Variants in DNM3 observed in about 807,000 individuals in gnomAD.
DNM3 encodes dynamin 3, also known as dynamin-3.
A neutral mutation model predicts 101.6 loss-of-function variants in DNM3; 47 were observed. That is an observed-to-expected ratio of 0.46 (90% CI 0.37 to 0.59). The LOEUF (loss-of-function observed/expected upper bound fraction) is 0.59. DNM3 is among the 20% of genes least tolerant of loss of function. The pLI, the probability that DNM3 is intolerant of heterozygous loss-of-function variation, is 0.00. For synonymous variants in DNM3, 385 were observed against 387.9 expected (o/e 0.99, Z 0.09); for missense variants, 849 against 1,085.7 (o/e 0.78, Z 3.06).
chr1:172,066,856 T>C (rs1272638400), intron 10 of DNM3, among the ~76,000 whole-genome samples: 1 of 152,186 alleles, frequency 6.6e-6, no homozygotes, highest in Non-Finnish European at 1.5e-5. Flanking sequence ...ATCTTATTGT[T>C]GCTTTTCCAA....
chr1:172,131,630 G>A (rs1040992112), intron 14 of DNM3, among the ~76,000 whole-genome samples: 16 of 152,080 alleles, frequency 1.1e-4, no homozygotes, highest in Non-Finnish European at 2.1e-4. Flanking sequence ...AGTGTTGAAG[G>A]ACCCAAGGTA....
chr1:172,374,669 T>C (rs1159750834), intron 17 of DNM3, among the ~76,000 whole-genome samples: 1 of 152,110 alleles, frequency 6.6e-6, no homozygotes, highest in Admixed American at 6.6e-5. Context: ...ACCTATGCTA[T>C]TATTTTGCTA....
At chr1:172,087,729 TTGAGTTACTA>T (rs1487612743) in intron 12 of DNM3, among the ~76,000 whole-genome samples, 1 of 152,214 alleles carries the variant, frequency 6.6e-6, no homozygotes, top group Non-Finnish European at 1.5e-5. Flanking sequence ...CTTCTCTTAC[TTGAGTTACTA>T]CAACAGTCTC....
At chr1:172,261,644 G>A (rs905027423) in intron 15 of DNM3, among the ~76,000 whole-genome samples, 1 of 152,220 alleles carries the variant, frequency 6.6e-6, no homozygotes, top group African/African-American at 2.4e-5. Flanking sequence ...CAGTGGATGT[G>A]GCATGGGCAA....
intron 1 of DNM3, among the ~76,000 whole-genome samples, chr1:171,843,197 G>T (rs755443078): frequency 2.6e-5 from 4 of 152,106 alleles, no homozygotes; most frequent in Non-Finnish European, 4.4e-5. Flanking sequence ...GAACTAGAAA[G>T]ATAAGAAGCC....
chr1:171,876,739 A>G (rs1305333468), intron 1 of DNM3, among the ~76,000 whole-genome samples: 3 of 152,256 alleles, frequency 2.0e-5, no homozygotes, highest in Middle Eastern at 3.2e-3. Flanking sequence ...GTGTGTCACA[A>G]TTACTACTAA....
intron 4 of DNM3, among the ~76,000 whole-genome samples, chr1:171,998,996 G>A (rs779671945): frequency 6.6e-6 from 1 of 152,130 alleles, no homozygotes; most frequent in Non-Finnish European, 1.5e-5. Flanking sequence ...GTGGGGTTTT[G>A]TAGATCACAA....
intron 11 of DNM3, among the ~76,000 whole-genome samples, chr1:172,073,819 G>T (rs73039329): frequency 6.6e-6 from 1 of 152,178 alleles, no homozygotes; most frequent in African/African-American, 2.4e-5. Flanking sequence ...ACAGGATTCA[G>T]TTGGGAGAAC....
In DNM3 at chr1:171,936,737, T is replaced by G. The variant is rs147246564; in HGVS notation, c.235+14916T>G. On this transcript the variant is annotated intron_variant, in intron 2 of 20. Coordinates refer to ENST00000627582, the MANE Select transcript of DNM3 (RefSeq NM_015569.5). ...TTAAAATTTTTACATGACTTGGAAT[T>G]TATTAGATAATTATCAGTATTGAGT... Among the ~76,000 whole-genome samples the G allele has an allele frequency of 8.9e-3, 1,349 of 152,336 alleles. 16 individuals carry two copies. The highest frequency in any genetic ancestry group is 0.03 in the African/African-American group (1,239 of 41,590).
chr1:172,135,742 C>T (rs571605146), intron 14 of DNM3, among the ~76,000 whole-genome samples: 295 of 151,844 alleles, frequency 1.9e-3, no homozygotes, highest in African/African-American at 7.0e-3. Context: ...TACATTAATA[C>T]TTTAAAATCA....
intron 4 of DNM3, among the ~76,000 whole-genome samples, chr1:172,006,161 G>A (rs1173441967): frequency 1.3e-5 from 2 of 152,078 alleles, no homozygotes; most frequent in African/African-American, 2.4e-5. Flanking sequence ...AGCAGTGGTG[G>A]GTGCCTACAG....
At chr1:171,988,568 G>A (rs78617855) in intron 3 of DNM3, among the ~76,000 whole-genome samples, 1 of 152,030 alleles carries the variant, frequency 6.6e-6, no homozygotes, top group Non-Finnish European at 1.5e-5. Context: ...TAAGGAAAGG[G>A]CAGTCTTACC....
intron 13 of DNM3, among the ~76,000 whole-genome samples, chr1:172,116,771 C>T (rs190810124): frequency 9.6e-4 from 146 of 152,260 alleles, no homozygotes; most frequent in Non-Finnish European, 1.8e-3. Flanking sequence ...GCATTGTGTA[C>T]GTGAGAGAAG....
intron 2 of DNM3, among the ~76,000 whole-genome samples, chr1:171,955,492 G>A (rs1264338214): frequency 6.6e-6 from 1 of 152,138 alleles, no homozygotes; most frequent in Non-Finnish European, 1.5e-5. Flanking sequence ...TAGACCAGAA[G>A]GGGAGTCAAA....
At chr1:172,361,163 C>G (rs1371452264) in intron 17 of DNM3, among the ~76,000 whole-genome samples, 1 of 151,952 alleles carries the variant, frequency 6.6e-6, no homozygotes, top group Non-Finnish European at 1.5e-5. Context: ...GTTCTCGTTT[C>G]ACTGGGTCTC....
intron 13 of DNM3, among the ~76,000 whole-genome samples, chr1:172,102,731 G>A (rs1454286455): frequency 6.6e-6 from 1 of 151,954 alleles, no homozygotes; most frequent in Non-Finnish European, 1.5e-5. Context: ...CCTCCCTCCG[G>A]CTGCCCCATA....
intron 10 of DNM3, among the ~76,000 whole-genome samples, chr1:172,063,286 C>T (rs1016083024): frequency 8.6e-5 from 13 of 151,798 alleles, no homozygotes; most frequent in South Asian, 2.1e-4. Flanking sequence ...ACTAGCATAG[C>T]GTAGATCTTA....
At chr1:171,841,844 A>T in intron 1 of DNM3, 27 bp downstream of exon 1, 1 of 1,594,628 alleles carries the variant, frequency 6.3e-7, no homozygotes, top group South Asian at 1.1e-5. Flanking sequence ...CGGAGTAAGG[A>T]TGCGGCAGTG....
At chr1:172,339,873 G>A (rs1185884832) in intron 17 of DNM3, among the ~76,000 whole-genome samples, 1 of 152,184 alleles carries the variant, frequency 6.6e-6, no homozygotes, top group African/African-American at 2.4e-5. Context: ...ACAATAGAGG[G>A]TGATAGAAAG....
Sources: allele counts gnomAD v4.1 joint callset (sites outside exome capture counted in the v4.1 genomes callset), GRCh38; gene constraint gnomAD v4.1.1; transcripts MANE v1.5; gene names NCBI Gene and HGNC (gene_info 2026-07-23, HGNC 2026-07-21).